The following ARHGAP31 variants were observed in gnomAD, a reference collection of about 807,000 sequenced individuals.
ARHGAP31 encodes rho GTPase-activating protein 31.
Under a neutral mutation model 113.9 loss-of-function variants are expected in ARHGAP31, and 34 were observed. The observed-to-expected ratio is 0.30, with a 90% CI of 0.23 to 0.40. ARHGAP31 has a LOEUF of 0.40. Ranked by LOEUF, ARHGAP31 falls within the 10% of genes least tolerant of loss-of-function variation. The pLI, the probability that ARHGAP31 is intolerant of heterozygous loss-of-function variation, is 1.00. For synonymous variants in ARHGAP31, 650 were observed against 684.8 expected (o/e 0.95, Z 0.79); for missense variants, 1,548 against 1,767.1 (o/e 0.88, Z 2.22).
chr3:119,402,658 A>C (rs2080622869), intron 10 of ARHGAP31, among the ~76,000 whole-genome samples: 1 of 152,226 alleles, frequency 6.6e-6, no homozygotes, highest in Non-Finnish European at 1.5e-5. Context: ...GTAAATATTA[A>C]ATTATTTAAT....
rs1245098567 is a variant in ARHGAP31 at position 119,382,397 on chromosome 3, C to G, written c.537C>G (p.Leu179=). The G allele has an allele frequency of 6.2e-7, 1 of 1,613,886 alleles. No individual in the cohort carries two copies. The highest frequency in any genetic ancestry group is 1.3e-5 in the African/African-American group (1 of 75,034). The change falls in exon 5 of 12, where the codon CTC becomes CTG. Residue 179 remains leucine, a splice_region_variant and synonymous_variant. Coordinates refer to ENST00000264245, the MANE Select transcript of ARHGAP31 (RefSeq NM_020754.4). ...CCCTGGTGTGGGCGCCAAACCTCCT[C>G]AGGTAACCACTCTACCCTCCCCTTG... The part of the protein sequence containing the change: ...NLALVWAPNL[L]RSKEIEATGC...
chr3:119,350,074 T>C (rs1360744792), intron 1 of ARHGAP31, among the ~76,000 whole-genome samples: 2 of 152,198 alleles, frequency 1.3e-5, no homozygotes, highest in Admixed American at 1.3e-4. Context: ...ACTTGTAGAA[T>C]AAGAAAACTG....
chr3:119,330,231 A>G (rs752780944), intron 1 of ARHGAP31, among the ~76,000 whole-genome samples: 1 of 152,202 alleles, frequency 6.6e-6, no homozygotes, highest in African/African-American at 2.4e-5. Flanking sequence ...TAGTGAATCA[A>G]TTCAGCTATC....
At chr3:119,362,298 A>G (rs1214208185) in intron 1 of ARHGAP31, among the ~76,000 whole-genome samples, 1 of 152,174 alleles carries the variant, frequency 6.6e-6, no homozygotes, top group African/African-American at 2.4e-5. Flanking sequence ...AATGCAGAAC[A>G]CCCTGAGGGC....
chr3:119,335,799 T>C (rs998810385), intron 1 of ARHGAP31, among the ~76,000 whole-genome samples: 6 of 152,190 alleles, frequency 3.9e-5, no homozygotes, highest in African/African-American at 1.4e-4. Context: ...TTGTTCATGG[T>C]TCATGAAGAC....
chr3:119,295,357 G>A (rs2079523747), intron 1 of ARHGAP31, among the ~76,000 whole-genome samples: 3 of 151,788 alleles, frequency 2.0e-5, no homozygotes, highest in Admixed American at 2.0e-4. Context: ...AGGAGGGGTG[G>A]ACATGTGGGA....
chr3:119,367,196 G>A (rs1160889409), intron 2 of ARHGAP31, among the ~76,000 whole-genome samples: 1 of 152,126 alleles, frequency 6.6e-6, no homozygotes, highest in African/African-American at 2.4e-5. Context: ...CATTAAGGGG[G>A]TAGGCCCAGA....
intron 1 of ARHGAP31, among the ~76,000 whole-genome samples, chr3:119,306,776 T>C (rs2079633802): frequency 6.6e-6 from 1 of 152,178 alleles, no homozygotes; most frequent in East Asian, 1.9e-4. Context: ...GGTGATCTAA[T>C]ATCCTTGGCC....
At chr3:119,372,481 C>T (rs1243244689) in intron 3 of ARHGAP31, among the ~76,000 whole-genome samples, 3 of 152,062 alleles carry the variant, frequency 2.0e-5, no homozygotes, top group Non-Finnish European at 4.4e-5. Context: ...CGGGGTTTCG[C>T]CATGTTGGCC....
rs367869500 is a variant in ARHGAP31, at chr3:119,344,099, G to A, written c.101-21217G>A. On this transcript the variant is annotated intron_variant, in intron 1 of 11. Transcript: ENST00000264245. ...AGAGACAGAGTTGCCACATTCAGCAGATAAAAATATTAGACGCTGGACTAA... is the reference window on the plus strand; with the variant it reads ...AGAGACAGAGTTGCCACATTCAGCAAATAAAAATATTAGACGCTGGACTAA... Among the ~76,000 whole-genome samples the A allele has an allele frequency of 7.9e-5, 12 of 152,316 alleles. 1 individual carries two copies. The highest frequency in any genetic ancestry group is 5.9e-4 in the Admixed American group (9 of 15,308).
chr3:119,321,328 T>C (rs972183620), intron 1 of ARHGAP31, among the ~76,000 whole-genome samples: 1 of 131,794 alleles, frequency 7.6e-6, no homozygotes, highest in African/African-American at 2.6e-5. Context: ...TATATAATTA[T>C]ATACTATATA....
In ARHGAP31 at chr3:119,402,028, C is replaced by G. The variant is rs774182014; in HGVS notation, c.1276C>G (p.Arg426Gly). 44 of 1,614,032 alleles carry G rather than the reference C, an allele frequency of 2.7e-5. No individual in the cohort carries two copies. The highest frequency in any genetic ancestry group is 3.6e-5 in the Non-Finnish European group (43 of 1,180,028). Reference protein sequence around the residue: ...DRSHLQGAQARPPPEQLKVFR... With the variant: ...DRSHLQGAQAGPPPEQLKVFR... ...CAGCCATCTCCAGGGCGCTCAGGCC[C>G]GGCCCCCACCGGAACAGCTGAAGGT... The change falls in exon 10 of 12, where the codon CGG becomes GGG. Residue 426 changes from arginine (R) to glycine (G), a missense_variant. Coordinates refer to ENST00000264245, the MANE Select transcript of ARHGAP31 (RefSeq NM_020754.4).
At chr3:119,409,848 A>G (rs2080700995) in intron 11 of ARHGAP31, 72 bp downstream of exon 11, 2 of 1,460,924 alleles carry the variant, frequency 1.4e-6, no homozygotes. Flanking sequence ...TACAATTTAA[A>G]GTAAATTGAA....
chr3:119,400,430 C>G (rs1008252309), intron 9 of ARHGAP31, among the ~76,000 whole-genome samples: 4 of 152,000 alleles, frequency 2.6e-5, no homozygotes, highest in Admixed American at 2.6e-4. Context: ...GCTGAGATTG[C>G]GCCACTGCAC....
At chr3:119,336,903 C>T (rs9830650) in intron 1 of ARHGAP31, among the ~76,000 whole-genome samples, 61,078 of 152,056 alleles carry the variant, frequency 0.4, 14,367 homozygotes, top group African/African-American at 0.67. Context: ...TTCATATGAA[C>T]GGAATCATCT....
chr3:119,381,496 G>A (rs1263565299), intron 4 of ARHGAP31, among the ~76,000 whole-genome samples: 3 of 152,048 alleles, frequency 2.0e-5, no homozygotes, highest in Non-Finnish European at 4.4e-5. Flanking sequence ...TTTACAAGGG[G>A]GCAGATTTTG....
At chr3:119,332,090 C>T (rs183112060) in intron 1 of ARHGAP31, among the ~76,000 whole-genome samples, 45 of 152,218 alleles carry the variant, frequency 3.0e-4, no homozygotes, top group African/African-American at 8.7e-4. Context: ...GTTATTACTT[C>T]GCCTTTAGAT....
chr3:119,371,919 T>G (rs1302290491), intron 3 of ARHGAP31, among the ~76,000 whole-genome samples: 6 of 152,226 alleles, frequency 3.9e-5, no homozygotes, highest in Non-Finnish European at 2.9e-5. Context: ...TTCATCCATG[T>G]TCCTGCAAAG....
At chr3:119,330,351 G>A (rs2079881946) in intron 1 of ARHGAP31, among the ~76,000 whole-genome samples, 1 of 152,184 alleles carries the variant, frequency 6.6e-6, no homozygotes, top group South Asian at 2.1e-4. Flanking sequence ...GGAAAAACCA[G>A]CCATCTTGTA....
Sources: allele counts gnomAD v4.1 joint callset (sites outside exome capture counted in the v4.1 genomes callset), GRCh38; gene constraint gnomAD v4.1.1; transcripts MANE v1.5; gene names NCBI Gene and HGNC (gene_info 2026-07-23, HGNC 2026-07-21).